TPTE: variants seen among roughly 807,000 people sequenced by gnomAD.
TPTE encodes the protein transmembrane phosphatase with tensin homology.
Under a neutral mutation model 84.1 loss-of-function variants are expected in TPTE, and 59 were observed. The ratio of observed to expected loss-of-function variants is 0.70; its 90% CI spans 0.57 to 0.87. TPTE has a LOEUF of 0.87. Among genes scored for constraint, TPTE ranks in the 40% least tolerant of loss-of-function variants. The pLI is 0.00. For missense variants in TPTE, 382 were observed against 659.6 expected (o/e 0.58, Z 4.61); for synonymous variants, 130 against 223.5 (o/e 0.58, Z 3.73).
At chr21:10,568,373 A>G (rs1333542678) in intron 11 of TPTE, among the ~76,000 whole-genome samples, 1 of 152,312 alleles carries the variant, frequency 6.6e-6, no homozygotes, top group Admixed American at 6.5e-5. Context: ...ACACAATAGT[A>G]GAGTTTTGCA....
At chr21:10,577,060 CTG>C (rs1292536779) in intron 14 of TPTE, among the ~76,000 whole-genome samples, 2 of 152,302 alleles carry the variant, frequency 1.3e-5, no homozygotes, top group Non-Finnish European at 1.5e-5. Context: ...CTTAGATAGA[CTG>C]TAATATGCAG....
intron 1 of TPTE, among the ~76,000 whole-genome samples, chr21:10,522,586 A>AATAG (rs1208691401): frequency 1.3e-5 from 2 of 152,312 alleles, no homozygotes; most frequent in African/African-American, 4.8e-5. Flanking sequence ...GCATTTCTCT[A>AATAG]ATAGATAGTG....
At chr21:10,545,981 T>A (rs999451064) in intron 7 of TPTE, among the ~76,000 whole-genome samples, 1 of 152,198 alleles carries the variant, frequency 6.6e-6, no homozygotes, top group Non-Finnish European at 1.5e-5. Flanking sequence ...TATACACATA[T>A]ATAGTTTATA....
At chr21:10,562,846 G>A (rs2074836407) in intron 10 of TPTE, among the ~76,000 whole-genome samples, 1 of 152,310 alleles carries the variant, frequency 6.6e-6, no homozygotes, top group Non-Finnish European at 1.5e-5. Flanking sequence ...TTTATTCAAA[G>A]GGATGGTAAC....
chr21:10,563,177 A>G (rs1192239737), intron 10 of TPTE, among the ~76,000 whole-genome samples: 1 of 152,310 alleles, frequency 6.6e-6, no homozygotes, highest in East Asian at 1.9e-4. Flanking sequence ...CTTCAAAGTG[A>G]AGGGGAAATA....
At chr21:10,540,781 A>G (rs747729176) in intron 4 of TPTE, 1 of 525,568 alleles carries the variant, frequency 1.9e-6, no homozygotes, top group South Asian at 1.4e-5. Flanking sequence ...AGAATGAGGA[A>G]CTCAAATGGG....
chr21:10,598,840 C>T (rs796692457), intron 21 of TPTE, among the ~76,000 whole-genome samples: 1,723 of 149,246 alleles, frequency 0.012, no homozygotes, highest in African/African-American at 0.043. Context: ...TATTACTAAC[C>T]CTATTCCCTG....
At chr21:10,557,433 A>T (rs212103) in intron 8 of TPTE, among the ~76,000 whole-genome samples, 199 of 152,118 alleles carry the variant, frequency 1.3e-3, no homozygotes, top group Non-Finnish European at 2.3e-3. Context: ...CCACTTCTTC[A>T]TGCCTTCATA....
chr21:10,604,648 A>T (rs1979051642), intron 23 of TPTE, among the ~76,000 whole-genome samples: 2 of 152,308 alleles, frequency 1.3e-5, no homozygotes, highest in Admixed American at 6.5e-5. Flanking sequence ...TAAGCTTTTT[A>T]TTCTAACATG....
chr21:10,538,371 C>A (rs1040563901), intron 3 of TPTE, among the ~76,000 whole-genome samples: 4 of 152,308 alleles, frequency 2.6e-5, no homozygotes, highest in Admixed American at 2.6e-4. Flanking sequence ...GGCTGACTAC[C>A]TCCACACAAA....
At chr21:10,541,948 T>TTG (rs1445177376) in intron 5 of TPTE, among the ~76,000 whole-genome samples, 1 of 152,310 alleles carries the variant, frequency 6.6e-6, no homozygotes, top group East Asian at 1.9e-4. Flanking sequence ...TCCTATTGGA[T>TTG]TGTGCCCCTG....
At chr21:10,529,423 TGA>T (rs2074138311) in intron 3 of TPTE, among the ~76,000 whole-genome samples, 1 of 152,308 alleles carries the variant, frequency 6.6e-6, no homozygotes, top group Non-Finnish European at 1.5e-5. Flanking sequence ...TTTTGAAATG[TGA>T]GAGGGGTGAG....
intron 18 of TPTE, among the ~76,000 whole-genome samples, chr21:10,591,182 A>T (rs1413079578): frequency 6.6e-6 from 1 of 152,308 alleles, no homozygotes; most frequent in African/African-American, 2.4e-5. Context: ...GACCTCTAAA[A>T]ATTTCTGATA....
At chr21:10,536,252 T>C (rs559110017) in intron 3 of TPTE, among the ~76,000 whole-genome samples, 1 of 152,426 alleles carries the variant, frequency 6.6e-6, no homozygotes, top group East Asian at 1.9e-4. Flanking sequence ...CACTCCAGCC[T>C]CGGTGAGAGT....
At chr21:10,535,305 TGTATATA>T (rs1439020713) in intron 3 of TPTE, among the ~76,000 whole-genome samples, 2 of 152,304 alleles carry the variant, frequency 1.3e-5, no homozygotes, top group South Asian at 4.1e-4. Flanking sequence ...TACAAGTAAG[TGTATATA>T]TACATATATA....
chr21:10,522,778 A>G (rs1340775694), intron 1 of TPTE, among the ~76,000 whole-genome samples: 2 of 152,312 alleles, frequency 1.3e-5, no homozygotes, highest in East Asian at 1.9e-4. Context: ...ATGAGGTACA[A>G]TGTGATGTTT....
chr21:10,598,057 A>G lies in TPTE; in HGVS notation c.1319A>G (p.Lys440Arg). The change falls in exon 21 of 24, where the codon AAG (lysine) becomes AGG (arginine). Residue 440 changes from lysine (K) to arginine (R), a missense_variant. By Grantham distance (26) the Lys-to-Arg change is conservative. Around this residue, in one of 10 missense-constraint regions of TPTE, gnomAD observed 36 missense variants for 36.3 expected, o/e 0.99. Coordinates refer to ENST00000618007, the MANE Select transcript of TPTE (RefSeq NM_199261.4). The stretch of plus-strand genomic sequence containing the variant: ...AAAATCCAAATAGAAATGGAGAAAA[A>G]GGTTGTCTTTTCCACTATTTCATTA... ...DLKIQIEMEK[K>R]VVFSTISLGK... 1 of 1,613,784 alleles carries G rather than the reference A, an allele frequency of 6.2e-7. No individual in the cohort carries two copies. The highest frequency in any genetic ancestry group is 8.5e-7 in the Non-Finnish European group (1 of 1,179,700).
At chr21:10,522,144 G>T (rs1163965963) in intron 1 of TPTE, among the ~76,000 whole-genome samples, 3 of 152,236 alleles carry the variant, frequency 2.0e-5, no homozygotes, top group Non-Finnish European at 4.4e-5. Context: ...TCGTTGTCTT[G>T]TCCCCCCCCA....
At chr21:10,527,157 T>TCTCTCACA (rs1555885306) in intron 2 of TPTE, among the ~76,000 whole-genome samples, 198 bp from the exon 3 acceptor site, 6 of 150,398 alleles carry the variant, frequency 4.0e-5, no homozygotes, top group Admixed American at 1.3e-4. Context: ...TCTCTCTCTC[T>TCTCTCACA]CACACACACA....
Sources: allele counts gnomAD v4.1 joint callset (sites outside exome capture counted in the v4.1 genomes callset), GRCh38; gene constraint gnomAD v4.1.1; regional missense constraint gnomAD v4.1.1; transcripts MANE v1.5; gene names NCBI Gene and HGNC (gene_info 2026-07-23, HGNC 2026-07-21).